ARHGAP42: variants seen among roughly 807,000 people sequenced by gnomAD.
ARHGAP42 encodes rho GTPase-activating protein 42.
In ARHGAP42, 63 loss-of-function variants were observed where a neutral mutation model predicts 125.0. That is an observed-to-expected ratio of 0.50 (90% CI 0.41 to 0.62). The LOEUF is 0.62. Among genes scored for constraint, ARHGAP42 ranks in the 20% least tolerant of loss-of-function variants. The pLI, the probability that ARHGAP42 is intolerant of heterozygous loss-of-function variation, is 0.00. For synonymous variants in ARHGAP42, 339 were observed against 351.0 expected, an observed-to-expected ratio of 0.97 and a Z score of 0.38; for missense variants, 766 against 1,024.2, an observed-to-expected ratio of 0.75 and a Z score of 3.44.
At chr11:100,773,739 A>C (rs2134995031) in intron 2 of ARHGAP42, among the ~76,000 whole-genome samples, 1 of 152,334 alleles carries the variant, frequency 6.6e-6, no homozygotes, top group African/African-American at 2.4e-5. Context: ...CTAATTGAAC[A>C]TTGTTGTGCA....
At chr11:100,698,085 C>T (rs1861317728) in intron 1 of ARHGAP42, among the ~76,000 whole-genome samples, 1 of 152,154 alleles carries the variant, frequency 6.6e-6, no homozygotes, top group South Asian at 2.1e-4. Flanking sequence ...GAGATAGGAT[C>T]TTGCTATGCT....
intron 4 of ARHGAP42, among the ~76,000 whole-genome samples, chr11:100,906,605 A>G (rs1866744954): frequency 6.6e-6 from 1 of 151,822 alleles, no homozygotes; most frequent in Non-Finnish European, 1.5e-5. Context: ...TTCTGGAAAT[A>G]TTCCTGAAAT....
chr11:100,716,443 A>G (rs1222732317), intron 1 of ARHGAP42, among the ~76,000 whole-genome samples: 1 of 152,242 alleles, frequency 6.6e-6, no homozygotes, highest in Non-Finnish European at 1.5e-5. Flanking sequence ...TAATTAATGA[A>G]GATAATGAAA....
intron 8 of ARHGAP42, among the ~76,000 whole-genome samples, chr11:100,939,171 G>T (rs2135269019): frequency 6.6e-6 from 1 of 152,248 alleles, no homozygotes; most frequent in African/African-American, 2.4e-5. Flanking sequence ...AGAGCCAGGG[G>T]TTCCAGAGTT....
intron 3 of ARHGAP42, among the ~76,000 whole-genome samples, chr11:100,840,133 G>C (rs1399897665): frequency 1.3e-5 from 2 of 152,108 alleles, no homozygotes. Context: ...AGAATGTATT[G>C]AATATTTGTA....
chr11:100,757,905 A>C (rs892251683), intron 1 of ARHGAP42, among the ~76,000 whole-genome samples: 1 of 152,202 alleles, frequency 6.6e-6, no homozygotes, highest in Admixed American at 6.5e-5. Context: ...CATCTTATCC[A>C]AGAGAGTGGT....
chr11:100,863,216 C>T (rs981749847), intron 4 of ARHGAP42, among the ~76,000 whole-genome samples: 2 of 152,070 alleles, frequency 1.3e-5, no homozygotes, highest in African/African-American at 4.8e-5. Flanking sequence ...GGTATTTTCT[C>T]ATGTGGTGCA....
intron 7 of ARHGAP42, among the ~76,000 whole-genome samples, chr11:100,933,475 G>A (rs1399612936): frequency 6.6e-6 from 1 of 152,178 alleles, no homozygotes; most frequent in East Asian, 1.9e-4. Flanking sequence ...TTCATCCAGT[G>A]TTCTTGTTAA....
Position 100,836,626 on chromosome 11 carries a change from T to C in ARHGAP42, c.313-22928T>C, listed in dbSNP as rs181234765. Among the ~76,000 whole-genome samples the C allele has an allele frequency of 5.9e-5, 9 of 152,114 alleles. 1 individual carries two copies. The highest frequency in any genetic ancestry group is 1.3e-4 in the Admixed American group (2 of 15,252). ...TGATGACTGTAAAATTGTTCATGTA[T>C]CCAAGCTTTTGTTGTTTGCTGAAGA... On this transcript the variant is annotated intron_variant, in intron 3 of 23. Coordinates refer to ENST00000298815, the MANE Select transcript of ARHGAP42 (RefSeq NM_152432.4).
At chr11:100,862,102 G>A (rs1282852134) in intron 4 of ARHGAP42, among the ~76,000 whole-genome samples, 1 of 152,148 alleles carries the variant, frequency 6.6e-6, no homozygotes, top group South Asian at 2.1e-4. Flanking sequence ...TTATTGGCGG[G>A]GACTTTCAGT....
At chr11:100,919,403 C>A (rs1867172616) in intron 5 of ARHGAP42, among the ~76,000 whole-genome samples, 1 of 152,114 alleles carries the variant, frequency 6.6e-6, no homozygotes, top group Non-Finnish European at 1.5e-5. Context: ...AAGGGCCAAC[C>A]TTGTAAGCAA....
chr11:100,725,175 C>CA (rs1861832886), intron 1 of ARHGAP42, among the ~76,000 whole-genome samples: 1 of 141,674 alleles, frequency 7.1e-6, no homozygotes, highest in Admixed American at 7.1e-5. Flanking sequence ...AATATTTTTC[C>CA]TTTTTTTTTT....
At chr11:100,698,336 T>C (rs923104124) in intron 1 of ARHGAP42, among the ~76,000 whole-genome samples, 3 of 152,158 alleles carry the variant, frequency 2.0e-5, no homozygotes, top group Non-Finnish European at 2.9e-5. Context: ...CTGGGTGTGG[T>C]GGTGTGCACC....
At chr11:100,858,214 C>T (rs1040433697) in intron 3 of ARHGAP42, among the ~76,000 whole-genome samples, 6 of 151,766 alleles carry the variant, frequency 4.0e-5, no homozygotes, top group African/African-American at 1.5e-4. Context: ...ATAATCTCTG[C>T]GCAGTAGGAC....
At chr11:100,721,117 A>G (rs1182940666) in intron 1 of ARHGAP42, among the ~76,000 whole-genome samples, 2 of 152,074 alleles carry the variant, frequency 1.3e-5, no homozygotes, top group Admixed American at 6.6e-5. Context: ...ATTCTTAACT[A>G]AAGTCAAGAG....
chr11:100,932,250 A>C (rs1040240695), intron 6 of ARHGAP42, among the ~76,000 whole-genome samples: 6 of 152,160 alleles, frequency 3.9e-5, no homozygotes, highest in African/African-American at 1.4e-4. Flanking sequence ...AAATGGTTTC[A>C]AATTGTGTTT....
At chr11:100,961,534 C>A in intron 14 of ARHGAP42, 150 bp from the exon 15 acceptor site, 1 of 610,686 alleles carries the variant, frequency 1.6e-6, no homozygotes, top group Non-Finnish European at 2.8e-6. Context: ...TATCAATTCA[C>A]GCAAACAACA....
chr11:100,924,144 A>G (rs1413513645), intron 6 of ARHGAP42, among the ~76,000 whole-genome samples: 1 of 152,130 alleles, frequency 6.6e-6, no homozygotes, highest in African/African-American at 2.4e-5. Context: ...TTTAGCCCAG[A>G]TTATTTTAAC....
intron 1 of ARHGAP42, among the ~76,000 whole-genome samples, chr11:100,743,691 A>G (rs903351389): frequency 6.6e-6 from 1 of 152,148 alleles, no homozygotes; most frequent in Non-Finnish European, 1.5e-5. Context: ...CTTCTCCCTC[A>G]GGAACACCAG....
Sources: gnomAD v4.1 joint callset for allele counts (sites outside exome capture counted in the v4.1 genomes callset) on GRCh38, gnomAD v4.1.1 for gene constraint, MANE v1.5 for transcripts, NCBI Gene and HGNC (gene_info 2026-07-23, HGNC 2026-07-21) for gene names.